Variants in TRIM69 observed in about 807,000 individuals in gnomAD.
TRIM69 encodes E3 ubiquitin-protein ligase TRIM69.
Under a neutral mutation model 37.7 loss-of-function variants are expected in TRIM69, and 29 were observed. The observed-to-expected ratio is 0.77, with a 90% CI of 0.57 to 1.05. The LOEUF (loss-of-function observed/expected upper bound fraction) is 1.05. Among genes scored for constraint, TRIM69 ranks in the 50% least tolerant of loss-of-function variants. The probability of loss-of-function intolerance (pLI) is 0.00; values close to 1 mark genes in which losing one functional copy is unlikely to be tolerated. For missense variants in TRIM69, 596 were observed against 579.9 expected, an observed-to-expected ratio of 1.03 and a Z score of -0.28; for synonymous variants, 209 against 212.4, an observed-to-expected ratio of 0.98 and a Z score of 0.14.
chr15:44,752,310 G>A (rs950395790), intron 1 of TRIM69, among the ~76,000 whole-genome samples: 2 of 152,196 alleles, frequency 1.3e-5, no homozygotes, highest in African/African-American at 4.8e-5. Flanking sequence ...GTGTGTATAT[G>A]TTTATAATTG....
chr15:44,761,199 TGA>T (rs1193952103), intron 6 of TRIM69, among the ~76,000 whole-genome samples: 21 of 152,190 alleles, frequency 1.4e-4, no homozygotes, highest in Non-Finnish European at 8.8e-5. Context: ...ATTACAGGTA[TGA>T]GCCACTGCGC....
At position 44,758,613 on chromosome 15, in the gene TRIM69, G is replaced by A. The variant is rs1481862285; in HGVS notation, c.580-8G>A. 1.9e-6 allele frequency: 3 copies of A among 1,613,864 alleles called. No individual in the cohort carries two copies. The highest frequency in any genetic ancestry group is 1.7e-6 in the Non-Finnish European group (2 of 1,179,928). On this transcript the variant is annotated splice_region_variant and splice_polypyrimidine_tract_variant and intron_variant, in intron 3 of 6. Transcript: ENST00000329464. The stretch of plus-strand genomic sequence containing the variant: ...AATAACCATGGTGATAATCATGGAG[G>A]TTTCCAGGAAAACAAGCTACATCTG...
chr15:44,751,146 C>T (rs1318570844), intron 1 of TRIM69, among the ~76,000 whole-genome samples: 10 of 150,744 alleles, frequency 6.6e-5, no homozygotes, highest in African/African-American at 2.2e-4. Context: ...GATGGAGTCT[C>T]GCTCTGTCGC....
At chr15:44,759,292 G>T (rs778792045) in intron 4 of TRIM69, among the ~76,000 whole-genome samples, 2 of 152,196 alleles carry the variant, frequency 1.3e-5, no homozygotes, top group African/African-American at 2.4e-5. Flanking sequence ...GCACTCAGAA[G>T]TTTAATTAGC....
At chr15:44,742,939 T>C (rs2087323625) in intron 1 of TRIM69, among the ~76,000 whole-genome samples, 1 of 151,532 alleles carries the variant, frequency 6.6e-6, no homozygotes, top group Admixed American at 6.6e-5. Flanking sequence ...ACCAATGACT[T>C]TCTTCACAGA....
At position 44,767,782 on chromosome 15, in the gene TRIM69, A is replaced by C. The variant is rs376529781; in HGVS notation, c.*10A>C. On this transcript the variant is annotated 3_prime_UTR_variant, in exon 7 of 7. Transcript: ENST00000329464. ...CTTACATCCACAGTAATGAGTCATA[A>C]TATTATACAAATTCAGAGTGTTATT... 5.0e-6 allele frequency: 8 copies of C among 1,592,916 alleles called. No individual in the cohort carries two copies. The African/African-American group carries it at 1.1e-4, about 21-fold the overall frequency.
At position 44,755,088 on chromosome 15, in the gene TRIM69, C is replaced by T; in HGVS notation, c.195C>T (p.Ile65=). 1 of 1,614,156 alleles carries T rather than the reference C, an allele frequency of 6.2e-7. No individual in the cohort carries two copies. The highest frequency in any genetic ancestry group is 8.5e-7 in the Non-Finnish European group (1 of 1,180,034). The stretch of plus-strand genomic sequence containing the variant: ...GCCACAACTTCTGTGAAGCCTGTAT[C>T]CAAGACTTTTGGAGGCTGCAAGCAA... The part of the protein sequence containing the change: ...SCGHNFCEAC[I]QDFWRLQAKE... Residue 65 remains isoleucine (I), a synonymous_variant, in exon 2 of 7, where the codon ATC becomes ATT. Coordinates refer to ENST00000329464, the MANE Select transcript of TRIM69 (RefSeq NM_182985.5).
intron 6 of TRIM69, among the ~76,000 whole-genome samples, chr15:44,764,638 G>A (rs1368689668): frequency 6.6e-6 from 1 of 152,222 alleles, no homozygotes; most frequent in Non-Finnish European, 1.5e-5. Context: ...TCATAAATGT[G>A]CTCCAATAAA....
chr15:44,742,167 G>A (rs1377325041), intron 1 of TRIM69, among the ~76,000 whole-genome samples: 11 of 148,910 alleles, frequency 7.4e-5, no homozygotes, highest in Non-Finnish European at 1.3e-4. Context: ...TTCAATATAC[G>A]CAAATCAATA....
rs1328526144 is a variant in TRIM69, at chr15:44,755,069, A to G, written c.176A>G (p.Asn59Ser). The stretch of plus-strand genomic sequence containing the variant: ...CCACTGATGCTAAGCTGTGGCCACA[A>G]CTTCTGTGAAGCCTGTATCCAAGAC... ...RDPLMLSCGH[N>S]FCEACIQDFW... Residue 59 changes from asparagine to serine, a missense_variant, in exon 2 of 7, where the codon AAC becomes AGC. By Grantham distance (46) the Asn-to-Ser change is conservative. Coordinates refer to ENST00000329464, the MANE Select transcript of TRIM69 (RefSeq NM_182985.5). The G allele has an allele frequency of 1.9e-6, 3 of 1,614,194 alleles. No individual in the cohort carries two copies. The highest frequency in any genetic ancestry group is 1.6e-4 in the Middle Eastern group (1 of 6,062).
intron 1 of TRIM69, among the ~76,000 whole-genome samples, chr15:44,740,064 G>A (rs1250273147): frequency 5.3e-5 from 8 of 152,170 alleles, no homozygotes; most frequent in Admixed American, 3.9e-4. Context: ...AGCAGCATTC[G>A]CGGTTCACGA....
intron 1 of TRIM69, among the ~76,000 whole-genome samples, chr15:44,745,119 G>T (rs574947666): frequency 6.6e-6 from 1 of 151,566 alleles, no homozygotes; most frequent in South Asian, 2.1e-4. Context: ...TTCTCGGAGT[G>T]ACTTTTAGGA....
chr15:44,758,480 C>T, intron 3 of TRIM69, 141 bp from the exon 4 acceptor site: 1 of 1,244,910 alleles, frequency 8.0e-7, no homozygotes, highest in East Asian at 2.5e-5. Flanking sequence ...TTTAGTATGA[C>T]TGAATTTGAT....
At chr15:44,751,341 C>A (rs139825572) in intron 1 of TRIM69, among the ~76,000 whole-genome samples, 1 of 152,088 alleles carries the variant, frequency 6.6e-6, no homozygotes, top group Non-Finnish European at 1.5e-5. Flanking sequence ...GTCTTGAACT[C>A]CTGACCTCAG....
At chr15:44,763,905 G>A (rs2087832827) in intron 6 of TRIM69, among the ~76,000 whole-genome samples, 1 of 152,096 alleles carries the variant, frequency 6.6e-6, no homozygotes, top group South Asian at 2.1e-4. Flanking sequence ...ACCTGACGTT[G>A]ACATATTACG....
intron 1 of TRIM69, 69 bp from the exon 2 acceptor site, chr15:44,754,831 G>A (rs953399087): frequency 3.1e-5 from 36 of 1,168,886 alleles, no homozygotes; most frequent in South Asian, 1.6e-4. Flanking sequence ...TAGGAATGGC[G>A]CCATCATCCT....
intron 6 of TRIM69, 46 bp from the exon 7 acceptor site, chr15:44,767,185 T>C: frequency 6.6e-7 from 1 of 1,513,878 alleles, no homozygotes; most frequent in Non-Finnish European, 9.0e-7. Context: ...AATTTGTGTT[T>C]ACCCCCCTTT....
chr15:44,744,251 A>C (rs2087354588), intron 1 of TRIM69, among the ~76,000 whole-genome samples: 2 of 141,738 alleles, frequency 1.4e-5, no homozygotes, highest in Non-Finnish European at 3.0e-5. Flanking sequence ...GTGGGAATTG[A>C]ACACTGAGAA....
At position 44,741,642 on chromosome 15, in the gene TRIM69, C is replaced by G. The variant is rs187181503; in HGVS notation, c.6+4932C>G. ...AAGAATGATAAAGGGGATATCACCA[C>G]TGATCCCACAGAAATACAAACTACC... On this transcript the variant is annotated intron_variant, in intron 1 of 6. Coordinates refer to ENST00000329464, the MANE Select transcript of TRIM69 (RefSeq NM_182985.5). Among the ~76,000 whole-genome samples the G allele has an allele frequency of 3.7e-4, 56 of 152,308 alleles. 1 individual carries two copies. The highest frequency in any genetic ancestry group is 1.3e-3 in the African/African-American group (54 of 41,550).
Sources: gnomAD v4.1 joint callset for allele counts (sites outside exome capture counted in the v4.1 genomes callset) on GRCh38, gnomAD v4.1.1 for gene constraint, MANE v1.5 for transcripts, NCBI Gene and HGNC (gene_info 2026-07-23, HGNC 2026-07-21) for gene names.